CHRM3: variants seen among roughly 807,000 people sequenced by gnomAD.
CHRM3 encodes the protein muscarinic acetylcholine receptor M3.
Under a neutral mutation model 41.8 loss-of-function variants are expected in CHRM3, and 11 were observed. The ratio of observed to expected loss-of-function variants is 0.26; its 90% CI spans 0.17 to 0.44. CHRM3 has a LOEUF of 0.44. CHRM3 is among the 20% of genes least tolerant of loss of function. CHRM3 has a pLI of 1.00. For synonymous variants in CHRM3, 297 were observed against 301.4 expected (o/e 0.99, Z 0.15); for missense variants, 571 against 745.4 (o/e 0.77, Z 2.72).
intron 3 of CHRM3, among the ~76,000 whole-genome samples, chr1:239,594,746 C>G (rs1664595427): frequency 6.6e-6 from 1 of 152,138 alleles, no homozygotes; most frequent in Non-Finnish European, 1.5e-5. Flanking sequence ...ATAGTAGGCC[C>G]TTCATACCCC....
chr1:239,760,230 T>G (rs1666642987), intron 5 of CHRM3, among the ~76,000 whole-genome samples: 1 of 152,102 alleles, frequency 6.6e-6, no homozygotes, highest in East Asian at 1.9e-4. Flanking sequence ...CGGCCAATAC[T>G]TTTCTTTAAA....
At chr1:239,881,220 T>C (rs1366527068) in intron 6 of CHRM3, among the ~76,000 whole-genome samples, 2 of 129,522 alleles carry the variant, frequency 1.5e-5, no homozygotes, top group East Asian at 5.0e-4. Flanking sequence ...GAGGCGGAGC[T>C]TGCAGTGAGC....
At chr1:239,572,292 A>G (rs1326400244) in intron 3 of CHRM3, among the ~76,000 whole-genome samples, 4 of 152,208 alleles carry the variant, frequency 2.6e-5, no homozygotes, top group Admixed American at 2.0e-4. Context: ...AACGGAGATG[A>G]GATTCCAATT....
chr1:239,851,420 A>G (rs1177996444), intron 6 of CHRM3, among the ~76,000 whole-genome samples: 1 of 152,174 alleles, frequency 6.6e-6, no homozygotes, highest in Non-Finnish European at 1.5e-5. Context: ...ATCTTCCAAT[A>G]TTATTTGGCA....
chr1:239,768,202 A>G (rs1337825313), intron 5 of CHRM3, among the ~76,000 whole-genome samples: 1 of 152,164 alleles, frequency 6.6e-6, no homozygotes, highest in Non-Finnish European at 1.5e-5. Context: ...AGTATGCCCA[A>G]TTTTTCAGAT....
At chr1:239,731,903 T>G (rs1453506179) in intron 5 of CHRM3, among the ~76,000 whole-genome samples, 1 of 152,030 alleles carries the variant, frequency 6.6e-6, no homozygotes, top group East Asian at 1.9e-4. Context: ...CATTTTATAT[T>G]TTTAAATACA....
intron 1 of CHRM3, among the ~76,000 whole-genome samples, chr1:239,482,243 A>G (rs958067468): frequency 6.6e-6 from 1 of 152,046 alleles, no homozygotes; most frequent in African/African-American, 2.4e-5. Flanking sequence ...TAGAACAAGC[A>G]TTTTCACACA....
Position 239,908,234 on chromosome 1 carries a change from T to G in CHRM3, c.783T>G (p.Arg261=). Residue 261 remains arginine, a synonymous_variant, in exon 7 of 7, where the codon CGT becomes CGG. Coordinates refer to ENST00000676153, the MANE Select transcript of CHRM3 (RefSeq NM_001375978.1). This position sits in a 1 kb window ranked among gnomAD's most constrained non-coding sequence, Gnocchi z 7.2. ...GGATCTATAAGGAAACTGAAAAGCG[T>G]ACCAAAGAGCTTGCTGGCCTGCAAG... ...YWRIYKETEK[R]TKELAGLQAS... is the part of the protein sequence containing the mutation. The G allele has an allele frequency of 6.2e-7, 1 of 1,614,148 alleles. No individual in the cohort carries two copies. The highest frequency in any genetic ancestry group is 1.3e-5 in the African/African-American group (1 of 75,044).
At chr1:239,408,678 A>C (rs1454686288) in intron 1 of CHRM3, among the ~76,000 whole-genome samples, 1 of 152,140 alleles carries the variant, frequency 6.6e-6, no homozygotes, top group Non-Finnish European at 1.5e-5. Context: ...ATGGGGTCTC[A>C]ATCTGCTGCC....
chr1:239,880,943 G>A (rs922492544), intron 6 of CHRM3, among the ~76,000 whole-genome samples: 2 of 152,266 alleles, frequency 1.3e-5, no homozygotes, highest in Admixed American at 6.5e-5. Flanking sequence ...TGAGGAGGCT[G>A]GGGGCAAGAT....
At chr1:239,560,521 T>A (rs532231109) in intron 3 of CHRM3, among the ~76,000 whole-genome samples, 1 of 152,320 alleles carries the variant, frequency 6.6e-6, no homozygotes, top group East Asian at 1.9e-4. Context: ...AGTATAACAA[T>A]ACATTCCCAT....
At chr1:239,433,040 T>C (rs2103185780) in intron 1 of CHRM3, among the ~76,000 whole-genome samples, 1 of 152,284 alleles carries the variant, frequency 6.6e-6, no homozygotes, top group South Asian at 2.1e-4. Flanking sequence ...CGCTGTGTTT[T>C]CAAATCTTTA....
intron 1 of CHRM3, among the ~76,000 whole-genome samples, chr1:239,467,164 T>TC (rs1017969928): frequency 2.6e-5 from 4 of 152,202 alleles, no homozygotes; most frequent in African/African-American, 9.7e-5. Context: ...AAGAATTCCA[T>TC]CCCTAGGGAC....
intron 6 of CHRM3, among the ~76,000 whole-genome samples, chr1:239,846,515 G>A (rs1674279414): frequency 6.6e-6 from 1 of 152,146 alleles, no homozygotes; most frequent in African/African-American, 2.4e-5. Context: ...ACCTTTGCCA[G>A]GTTATGAGAA....
intron 1 of CHRM3, among the ~76,000 whole-genome samples, chr1:239,446,608 C>T (rs1664172668): frequency 6.6e-6 from 1 of 152,108 alleles, no homozygotes; most frequent in Non-Finnish European, 1.5e-5. Flanking sequence ...CAGTGACTGT[C>T]GATTTCCAGT....
chr1:239,539,756 G>A (rs963737085), intron 2 of CHRM3, among the ~76,000 whole-genome samples: 1 of 151,080 alleles, frequency 6.6e-6, no homozygotes, highest in South Asian at 2.1e-4. Flanking sequence ...TCAGCCTCCT[G>A]AGTAGGTGGG....
chr1:239,451,644 C>A (rs1055828454), intron 1 of CHRM3, among the ~76,000 whole-genome samples: 2 of 152,104 alleles, frequency 1.3e-5, no homozygotes, highest in African/African-American at 4.8e-5. Flanking sequence ...CAACTGAATA[C>A]AGATTTCAAA....
intron 5 of CHRM3, among the ~76,000 whole-genome samples, chr1:239,706,746 A>G (rs957929931): frequency 9.9e-5 from 15 of 151,464 alleles, no homozygotes; most frequent in Admixed American, 2.0e-4. Context: ...ACAGGCATGC[A>G]CCCCCACACC....
At chr1:239,758,433 A>T (rs535709288) in intron 5 of CHRM3, among the ~76,000 whole-genome samples, 1 of 152,178 alleles carries the variant, frequency 6.6e-6, no homozygotes, top group Non-Finnish European at 1.5e-5. Context: ...ACAAGGTGCT[A>T]TGTAATCATT....
Sources: allele counts gnomAD v4.1 joint callset (sites outside exome capture counted in the v4.1 genomes callset), GRCh38; gene constraint gnomAD v4.1.1; non-coding constraint Gnocchi (gnomAD v3.1); transcripts MANE v1.5; gene names NCBI Gene and HGNC (gene_info 2026-07-23, HGNC 2026-07-21).